DECR2: variants seen among roughly 807,000 people sequenced by gnomAD.
DECR2 encodes the protein 2,4-dienoyl-CoA reductase 2, also known as peroxisomal 2,4-dienoyl-CoA reductase [(3E)-enoyl-CoA-producing].
In DECR2, 34 loss-of-function variants were observed where a neutral mutation model predicts 29.2. The ratio of observed to expected loss-of-function variants is 1.16; its 90% CI spans 0.89 to 1.55. The LOEUF is 1.55. Ranked by LOEUF, DECR2 falls within the 40% of genes most tolerant of loss-of-function variation. The probability of loss-of-function intolerance (pLI) is 0.00; values close to 1 mark genes in which losing one functional copy is unlikely to be tolerated. For missense variants in DECR2, 485 were observed against 425.3 expected (o/e 1.14, Z -1.23); for synonymous variants, 224 against 182.7 (o/e 1.23, Z -1.82).
At chr16:404,609 T>G (rs1330334363) in intron 1 of DECR2, among the ~76,000 whole-genome samples, 3 of 151,834 alleles carry the variant, frequency 2.0e-5, no homozygotes, top group African/African-American at 7.2e-5. Flanking sequence ...CTTTTATTTT[T>G]TATTTATTTT....
intron 8 of DECR2, 98 bp from the exon 9 acceptor site, chr16:411,792 T>C: frequency 1.9e-6 from 1 of 513,284 alleles, no homozygotes. Context: ...CCTCGGCCTC[T>C]GCCGGCATTT....
intron 7 of DECR2, 128 bp from the exon 8 acceptor site, chr16:411,233 T>C (rs2054815085): frequency 6.8e-6 from 8 of 1,179,848 alleles, no homozygotes; most frequent in Non-Finnish European, 9.4e-6. Flanking sequence ...TCCTGCTCCA[T>C]GCTAGGCCTT....
intron 4 of DECR2, chr16:409,945 G>A: frequency 1.2e-5 from 5 of 413,340 alleles, no homozygotes; most frequent in Non-Finnish European, 2.2e-5. Flanking sequence ...ACCCTAATTC[G>A]TTGTGACTTC....
rs996344983 is a variant in DECR2, at chr16:407,029, G to C, written c.202-396G>C. On this transcript the variant is annotated intron_variant, in intron 3 of 8. Transcript: ENST00000219481. The stretch of plus-strand genomic sequence containing the variant: ...GGTTCTGGGAGGGACCTTCCTGTTT[G>C]GGGGTAATGTGGCCCCAAGAAAGAC... 12 of 1,038,080 alleles carry C rather than the reference G, an allele frequency of 1.2e-5. No homozygotes were observed. In the South Asian group the frequency reaches 2.0e-4, roughly 17 times the overall value. 64.3% of individuals were successfully genotyped at this position (1,038,080 alleles called of 1,614,324 possible).
Position 405,398 on chromosome 16 carries a change from T to A in DECR2, c.149+374T>A, listed in dbSNP as rs1384993497. Reference sequence around the variant, plus strand: ...CACCTGACAGTGGCTAGAGTTAGGCTGGGGTGGGGGAAAGGGACCCTTCCT... The same window carrying A: ...CACCTGACAGTGGCTAGAGTTAGGCAGGGGTGGGGGAAAGGGACCCTTCCT... On this transcript the variant is annotated intron_variant, in intron 2 of 8. Coordinates refer to ENST00000219481, the MANE Select transcript of DECR2 (RefSeq NM_020664.4). 4 of 630,868 alleles carry A rather than the reference T, an allele frequency of 6.3e-6. No homozygotes were observed. In the African/African-American group the frequency reaches 7.6e-5, roughly 12 times the overall value. The allele number at this position is 630,868 out of a possible 1,614,324, so 39.1% of individuals were successfully genotyped here.
chr16:405,102 G>T, intron 2 of DECR2, 78 bp downstream of exon 2: 1 of 1,555,728 alleles, frequency 6.4e-7, no homozygotes, highest in Non-Finnish European at 8.8e-7. Context: ...CCCCTGGAAA[G>T]ATGTTGGTGG....
Position 406,528 on chromosome 16 carries a change from C to A in DECR2, c.201+131C>A. The A allele has an allele frequency of 3.5e-6, 3 of 857,810 alleles. No individual in the cohort carries two copies. The South Asian group carries it at 4.8e-5, about 14-fold the overall frequency. 53.1% of individuals were successfully genotyped at this position (857,810 alleles called of 1,614,324 possible). A position where few individuals can be genotyped will look rare whatever the true frequency, so the allele number is the denominator to read the frequency against. On this transcript the variant is annotated intron_variant, in intron 3 of 8. Coordinates refer to ENST00000219481, the MANE Select transcript of DECR2 (RefSeq NM_020664.4). Reference sequence around the variant, plus strand: ...CTTTTTTTTTCTGAGACGGGAGTCTCGCTCTGTCACCCAGGCTGAAGTGTG... The same window carrying A: ...CTTTTTTTTTCTGAGACGGGAGTCTAGCTCTGTCACCCAGGCTGAAGTGTG...
chr16:406,428 C>T (rs780274600), intron 3 of DECR2, 31 bp downstream of exon 3: 12 of 1,603,756 alleles, frequency 7.5e-6, no homozygotes, highest in Admixed American at 3.3e-5. Context: ...GTCCCCTGTT[C>T]GGGTGGCTGT....
intron 4 of DECR2, among the ~76,000 whole-genome samples, chr16:409,204 C>T (rs2054779986): frequency 6.7e-6 from 1 of 149,268 alleles, no homozygotes; most frequent in East Asian, 2.0e-4. Flanking sequence ...GAGAGTCTTG[C>T]TGTGTCGCCC....
At chr16:405,157 C>T in intron 2 of DECR2, 133 bp downstream of exon 2, 1 of 1,110,276 alleles carries the variant, frequency 9.0e-7, no homozygotes, top group Non-Finnish European at 1.3e-6. Flanking sequence ...ATCCAGGTGC[C>T]TGCCAGAGGG....
At chr16:407,914 C>CG (rs2054750665) in intron 4 of DECR2, among the ~76,000 whole-genome samples, 1 of 136,458 alleles carries the variant, frequency 7.3e-6, no homozygotes, top group Non-Finnish European at 1.6e-5. Context: ...CCTCTGTCTC[C>CG]GGCCCCATCT....
In DECR2 at chr16:405,040, G is replaced by C. The variant is rs1471209007; in HGVS notation, c.149+16G>C. Reference sequence around the variant, plus strand: ...TTTTCATGCGGTGAGACTGCTCTGTGTCCCTTCCCTGCTCCTCGCTTCTCC... The same window carrying C: ...TTTTCATGCGGTGAGACTGCTCTGTCTCCCTTCCCTGCTCCTCGCTTCTCC... On this transcript the variant is annotated intron_variant, in intron 2 of 8. Coordinates refer to ENST00000219481, the MANE Select transcript of DECR2 (RefSeq NM_020664.4). 6.2e-7 allele frequency: 1 copy of C among 1,613,946 alleles called. No homozygotes were observed. Among genetic ancestry groups the C allele is most frequent in the East Asian group, 2.2e-5 (1 of 44,888 alleles).
At chr16:404,531 C>T (rs2054702746) in intron 1 of DECR2, among the ~76,000 whole-genome samples, 1 of 152,096 alleles carries the variant, frequency 6.6e-6, no homozygotes, top group Admixed American at 6.6e-5. Flanking sequence ...TGAGCCAAGG[C>T]ACCTGGCCGA....
chr16:411,460 GC>G lies in DECR2; in HGVS notation c.764del (p.Pro255LeufsTer6), dbSNP rs2054818305. The part of the protein sequence containing the change: ...EIAHSVLYLA[S>X]PLASYVTGAV... ...GCCCACAGCGTGCTCTACCTGGCCAGCCCTCTGGCTTCCTACGTGACGGGGG... is the reference window on the plus strand; with the variant it reads ...GCCCACAGCGTGCTCTACCTGGCCAGCCTCTGGCTTCCTACGTGACGGGGG... On this transcript the variant is annotated frameshift_variant, in exon 8 of 9. Coordinates refer to ENST00000219481, the MANE Select transcript of DECR2 (RefSeq NM_020664.4). LOFTEE classifies it high-confidence loss of function. 6.2e-7 allele frequency: 1 copy of G among 1,613,864 alleles called. No homozygotes were observed. The highest frequency in any genetic ancestry group is 8.5e-7 in the Non-Finnish European group (1 of 1,180,020).
intron 3 of DECR2, 196 bp downstream of exon 3, chr16:406,593 G>A: frequency 6.2e-6 from 4 of 643,032 alleles, no homozygotes; most frequent in Non-Finnish European, 1.1e-5. Context: ...CACCTCCCAG[G>A]ATCAAGCGAT....
chr16:407,855 GTCTCCGGGCGTCTC>G (rs2054748828), intron 4 of DECR2, among the ~76,000 whole-genome samples: 2 of 144,098 alleles, frequency 1.4e-5, no homozygotes, highest in South Asian at 2.2e-4. Context: ...CTGGGCCTCT[GTCTCCGGGCGTCTC>G]TCTCCGGCCC....
intron 4 of DECR2, among the ~76,000 whole-genome samples, chr16:409,391 C>G (rs1041331611): frequency 6.8e-6 from 1 of 146,244 alleles, no homozygotes; most frequent in Non-Finnish European, 1.5e-5. Context: ...AGGATGGTCT[C>G]GATCTCCTGA....
At position 411,434 on chromosome 16, in the gene DECR2, C is replaced by A. The variant is rs372246299; in HGVS notation, c.735C>A (p.Ile245=). The change falls in exon 8 of 9, where the codon ATC becomes ATA. Residue 245 remains isoleucine (I), a synonymous_variant. Coordinates refer to ENST00000219481, the MANE Select transcript of DECR2 (RefSeq NM_020664.4). The part of the protein sequence containing the change: ...PLQRLGNKTE[I]AHSVLYLASP... ...AGAGGCTGGGGAACAAGACCGAGATCGCCCACAGCGTGCTCTACCTGGCCA... is the reference window on the plus strand; with the variant it reads ...AGAGGCTGGGGAACAAGACCGAGATAGCCCACAGCGTGCTCTACCTGGCCA... 3 of 1,613,388 alleles carry A rather than the reference C, an allele frequency of 1.9e-6. No homozygotes were observed. The African/African-American group carries it at 4.0e-5, about 22-fold the overall frequency.
chr16:408,086 C>T (rs74217155), intron 4 of DECR2, among the ~76,000 whole-genome samples: 80 of 5,210 alleles, frequency 0.015, 30 homozygotes, highest in African/African-American at 0.064. Flanking sequence ...TCTCCGGGCC[C>T]CTGTCTCCAG....
Sources: allele counts gnomAD v4.1 joint callset (sites outside exome capture counted in the v4.1 genomes callset), GRCh38; gene constraint gnomAD v4.1.1; transcripts MANE v1.5; gene names NCBI Gene and HGNC (gene_info 2026-07-23, HGNC 2026-07-21).